Variants in ZNF730 observed in about 807,000 individuals in gnomAD.
ZNF730 encodes the protein putative zinc finger protein 730.
ZNF730 carries 12 observed loss-of-function variants against 12.6 expected under a neutral mutation model. The observed-to-expected ratio is 0.95, with a 90% CI of 0.61 to 1.54. ZNF730 has a LOEUF of 1.54. Among genes scored for constraint, ZNF730 ranks in the 40% most tolerant of loss-of-function variants. ZNF730 has a pLI of 0.00. For synonymous variants in ZNF730, 194 were observed against 195.8 expected, an observed-to-expected ratio of 0.99 and a Z score of 0.08; for missense variants, 643 against 583.5, an observed-to-expected ratio of 1.10 and a Z score of -1.05.
chr19:23,134,312 C>A, intron 2 of ZNF730, 106 bp downstream of exon 2: 1 of 865,362 alleles, frequency 1.2e-6, no homozygotes, highest in Non-Finnish European at 1.6e-6. Context: ...TTTTCTTTTT[C>A]TTTTTTTTTT....
chr19:23,116,418 T>C (rs1599586961), upstream of ZNF730, among the ~76,000 whole-genome samples: 2 of 151,500 alleles, frequency 1.3e-5, no homozygotes, highest in East Asian at 3.9e-4. Context: ...CCTTCCTCCT[T>C]TCCTTCCTTC....
chr19:23,127,028 A>G (rs1970679820), intron 1 of ZNF730: 1 of 512,436 alleles, frequency 2.0e-6, no homozygotes, highest in African/African-American at 2.0e-5. Context: ...TAGAATCCCG[A>G]GTTCCTAAAG....
chr19:23,133,401 G>C (rs781441332), intron 1 of ZNF730, among the ~76,000 whole-genome samples: 1 of 152,072 alleles, frequency 6.6e-6, no homozygotes, highest in Non-Finnish European at 1.5e-5. Context: ...GATTACAATG[G>C]CACAATCTTG....
intron 1 of ZNF730, among the ~76,000 whole-genome samples, chr19:23,082,229 T>A (rs535260414): frequency 1.3e-5 from 2 of 152,290 alleles, no homozygotes; most frequent in East Asian, 3.9e-4. Context: ...CTATAAACCC[T>A]TTTTTTCAGA....
rs539419936 is a variant in ZNF730 at position 23,132,017 on chromosome 19, T to C, written c.4-2063T>C. On this transcript the variant is annotated intron_variant, in intron 1 of 3. Transcript: ENST00000597761. ...GAACAGGGCAGTGTGGCCCACGTTT[T>C]TCTTAACTGTAGCAGAAATTGCTGG... Among the ~76,000 whole-genome samples the C allele has an allele frequency of 3.3e-5, 5 of 152,332 alleles. No homozygotes were observed. In the South Asian group the frequency reaches 1.0e-3, roughly 32 times the overall value.
chr19:23,119,243 A>T (rs1373150699), intron 1 of ZNF730, among the ~76,000 whole-genome samples: 1 of 152,240 alleles, frequency 6.6e-6, no homozygotes, highest in African/African-American at 2.4e-5. Flanking sequence ...GGTGTTAAAC[A>T]TGAAGGATAT....
Position 23,095,958 on chromosome 19 carries a change from C to G in ZNF730, c.-94+20571C>G, listed in dbSNP as rs1970243601. 2.0e-5 allele frequency among the ~76,000 whole-genome samples: 3 copies of G among 152,162 alleles called. No individual in the cohort carries two copies. The South Asian group carries it at 6.2e-4, about 31-fold the overall frequency. On this transcript the variant is annotated intron_variant, in intron 1 of 2. Transcript: ENST00000593635. ...GGCCCATCACTGAGATTGTGACTGTCTTTTTCCTGGGACCTGTCCACAGTG... is the reference window on the plus strand; with the variant it reads ...GGCCCATCACTGAGATTGTGACTGTGTTTTTCCTGGGACCTGTCCACAGTG...
At chr19:23,101,974 T>G (rs779351206) in intron 1 of ZNF730, among the ~76,000 whole-genome samples, 28 of 152,328 alleles carry the variant, frequency 1.8e-4, no homozygotes, top group Admixed American at 1.1e-3. Context: ...GTTATGTGAC[T>G]ACTTTTTTGC....
At chr19:23,128,199 CA>C (rs1456649739) in intron 1 of ZNF730, 1 of 783,548 alleles carries the variant, frequency 1.3e-6, no homozygotes, top group African/African-American at 1.7e-5. Flanking sequence ...CTCACAGTAC[CA>C]AACAGTTCCC....
intron 1 of ZNF730, chr19:23,127,241 C>G (rs1208794294): frequency 3.1e-6 from 2 of 641,944 alleles, no homozygotes; most frequent in African/African-American, 3.6e-5. Context: ...TTAAAGAAAT[C>G]TTCAAGTTTC....
At chr19:23,097,410 C>T (rs146507680) in intron 1 of ZNF730, among the ~76,000 whole-genome samples, 70 of 152,064 alleles carry the variant, frequency 4.6e-4, no homozygotes, top group Middle Eastern at 3.4e-3. Context: ...GATTTCATAC[C>T]GAGCTGATGT....
chr19:23,130,654 A>C (rs1301852156), intron 1 of ZNF730, among the ~76,000 whole-genome samples: 1 of 151,786 alleles, frequency 6.6e-6, no homozygotes. Flanking sequence ...TAATAAAATT[A>C]TCCGCGGAAA....
chr19:23,144,132 T>C (rs1040903990), intron 3 of ZNF730: 7 of 152,278 alleles, frequency 4.6e-5, no homozygotes, highest in East Asian at 1.9e-4. Context: ...TTAAAATTAA[T>C]GTGTACATCT....
chr19:23,118,688 T>C (rs886303001), intron 1 of ZNF730, among the ~76,000 whole-genome samples: 2 of 152,172 alleles, frequency 1.3e-5, no homozygotes, highest in African/African-American at 4.8e-5. Context: ...TAGAGACACA[T>C]TGCGGGTCAG....
chr19:23,122,437 C>T (rs1323133116), intron 1 of ZNF730, among the ~76,000 whole-genome samples: 1 of 152,132 alleles, frequency 6.6e-6, no homozygotes, highest in Non-Finnish European at 1.5e-5. Flanking sequence ...GCCACCACAT[C>T]GGGCCGTTTA....
chr19:23,103,740 ATTGT>A (rs1303939622), intron 1 of ZNF730, among the ~76,000 whole-genome samples: 1 of 152,150 alleles, frequency 6.6e-6, no homozygotes, highest in East Asian at 1.9e-4. Context: ...ATGTTCCAAA[ATTGT>A]TTGGGATTTC....
chr19:23,146,008 A>G lies in ZNF730; in HGVS notation c.964A>G (p.Lys322Glu). The change falls in exon 4 of 4, where the codon AAG becomes GAG. Residue 322 changes from lysine to glutamate, a missense_variant. Physicochemically the swap from Lys to Glu is moderately conservative, Grantham distance 56 (BLOSUM62 1). Coordinates refer to ENST00000597761, the MANE Select transcript of ZNF730 (RefSeq NM_001277403.2). ...YKCEKCGKAFKWSSTLTKHKR... is the reference protein window; with the variant it reads ...YKCEKCGKAFEWSSTLTKHKR... Reference sequence around the variant, plus strand: ...ATGCGAAAAATGTGGCAAAGCTTTTAAGTGGTCCTCAACCCTTACAAAACA... The same window carrying G: ...ATGCGAAAAATGTGGCAAAGCTTTTGAGTGGTCCTCAACCCTTACAAAACA... The G allele has an allele frequency of 6.2e-7, 1 of 1,606,894 alleles. No individual in the cohort carries two copies. The highest frequency in any genetic ancestry group is 1.1e-5 in the South Asian group (1 of 89,930).
intron 2 of ZNF730, among the ~76,000 whole-genome samples, chr19:23,134,674 C>G (rs1397429266): frequency 7.0e-6 from 1 of 142,458 alleles, no homozygotes; most frequent in Non-Finnish European, 1.5e-5. Flanking sequence ...GCCGCCCCTA[C>G]TGGGAAGTGA....
At chr19:23,119,653 C>T (rs931875205) in intron 1 of ZNF730, among the ~76,000 whole-genome samples, 1 of 152,038 alleles carries the variant, frequency 6.6e-6, no homozygotes, top group East Asian at 1.9e-4. Context: ...CCTGTCTCTA[C>T]TAAAAATACA....
Sources: allele counts gnomAD v4.1 joint callset (sites outside exome capture counted in the v4.1 genomes callset), GRCh38; gene constraint gnomAD v4.1.1; transcripts MANE v1.5; gene names NCBI Gene and HGNC (gene_info 2026-07-23, HGNC 2026-07-21).